TSPAN9: variants seen among roughly 807,000 people sequenced by gnomAD.
The protein encoded by TSPAN9 is tetraspanin 9, also known as tetraspanin-9.
A neutral mutation model predicts 31.0 loss-of-function variants in TSPAN9; 16 were observed. The ratio of observed to expected loss-of-function variants is 0.52; its 90% CI spans 0.35 to 0.78. The LOEUF (loss-of-function observed/expected upper bound fraction) is 0.78, where lower values mean the gene tolerates loss of function less well. Ranked by LOEUF, TSPAN9 falls within the 30% of genes least tolerant of loss-of-function variation. The pLI is 0.01. For missense variants in TSPAN9, 272 were observed against 312.5 expected (o/e 0.87, Z 0.98); for synonymous variants, 145 against 121.6 (o/e 1.19, Z -1.27).
intron 2 of TSPAN9, among the ~76,000 whole-genome samples, chr12:3,184,983 G>T (rs1168409901): frequency 6.6e-6 from 1 of 152,104 alleles, no homozygotes. Context: ...AACTCCGCTG[G>T]TTCCTTGGTT....
At chr12:3,086,945 A>G (rs1431498314) in intron 2 of TSPAN9, among the ~76,000 whole-genome samples, 1 of 152,216 alleles carries the variant, frequency 6.6e-6, no homozygotes, top group Non-Finnish European at 1.5e-5. Context: ...CTGGAAACAC[A>G]CACAGTCTGG....
intron 1 of TSPAN9, among the ~76,000 whole-genome samples, chr12:3,083,215 CAT>C (rs1333959669): frequency 6.6e-6 from 1 of 152,246 alleles, no homozygotes; most frequent in Non-Finnish European, 1.5e-5. Context: ...ATATTGACCT[CAT>C]AGCGTACGCG....
At chr12:3,133,062 T>G (rs1336656248) in intron 2 of TSPAN9, among the ~76,000 whole-genome samples, 4 of 152,218 alleles carry the variant, frequency 2.6e-5, no homozygotes, top group African/African-American at 9.6e-5. Flanking sequence ...TGGGTGGGTT[T>G]ACGGTTTCAG....
At chr12:3,169,175 C>T (rs1423762256) in intron 2 of TSPAN9, among the ~76,000 whole-genome samples, 1 of 152,202 alleles carries the variant, frequency 6.6e-6, no homozygotes, top group East Asian at 1.9e-4. Context: ...GCACAGCCCA[C>T]CTTCAATGCT....
At chr12:3,176,038 A>AT (rs1342174231) in intron 2 of TSPAN9, among the ~76,000 whole-genome samples, 2 of 152,238 alleles carry the variant, frequency 1.3e-5, no homozygotes, top group African/African-American at 4.8e-5. Context: ...CGGGAATGAG[A>AT]TTCGTCCCAG....
intron 7 of TSPAN9, 55 bp downstream of exon 7, chr12:3,281,384 C>A: frequency 6.6e-7 from 1 of 1,512,846 alleles, no homozygotes. Context: ...GATGCCCCGG[C>A]ACGGGGAGCC....
chr12:3,205,701 C>T (rs1025437199), intron 3 of TSPAN9, among the ~76,000 whole-genome samples: 1 of 125,308 alleles, frequency 8.0e-6, no homozygotes, highest in Non-Finnish European at 1.7e-5. Context: ...GTAACCTGGG[C>T]AGCAAGAGGC....
intron 3 of TSPAN9, among the ~76,000 whole-genome samples, chr12:3,233,662 A>G (rs889667662): frequency 6.6e-6 from 1 of 152,122 alleles, no homozygotes; most frequent in African/African-American, 2.4e-5. Flanking sequence ...TTGTGTGTTC[A>G]TTGTTACCAG....
intron 2 of TSPAN9, among the ~76,000 whole-genome samples, chr12:3,159,984 A>G (rs541167925): frequency 2.0e-5 from 3 of 152,324 alleles, no homozygotes; most frequent in Admixed American, 2.0e-4. Context: ...TCAATGGTTT[A>G]ATCTGTTCAA....
At chr12:3,161,460 G>A (rs931598091) in intron 2 of TSPAN9, among the ~76,000 whole-genome samples, 1 of 152,110 alleles carries the variant, frequency 6.6e-6, no homozygotes, top group African/African-American at 2.4e-5. Flanking sequence ...TCTCCTGTGG[G>A]TATGCAGGTG....
chr12:3,200,623 C>T (rs1391015864), intron 2 of TSPAN9: 1 of 152,390 alleles, frequency 6.6e-6, no homozygotes, highest in Admixed American at 6.5e-5. Flanking sequence ...AAATTGCAGC[C>T]TCCCCAAAGA....
chr12:3,085,498 C>G (rs983955907), intron 2 of TSPAN9, among the ~76,000 whole-genome samples: 8 of 152,084 alleles, frequency 5.3e-5, no homozygotes, highest in African/African-American at 1.9e-4. Context: ...TTGATCCTCT[C>G]TGATGGCTGT....
At chr12:3,133,694 C>T (rs548250299) in intron 2 of TSPAN9, among the ~76,000 whole-genome samples, 2 of 152,304 alleles carry the variant, frequency 1.3e-5, no homozygotes, top group South Asian at 2.1e-4. Flanking sequence ...CCCCAGGTGG[C>T]TCTGCTCAAC....
At chr12:3,137,161 T>A (rs1243777317) in intron 2 of TSPAN9, among the ~76,000 whole-genome samples, 3 of 152,238 alleles carry the variant, frequency 2.0e-5, no homozygotes, top group Non-Finnish European at 4.4e-5. Context: ...GGGCTCCTTG[T>A]CGTCTCCTCT....
intron 2 of TSPAN9, among the ~76,000 whole-genome samples, chr12:3,196,209 C>G (rs1031867026): frequency 2.0e-5 from 3 of 152,208 alleles, no homozygotes; most frequent in African/African-American, 7.2e-5. Flanking sequence ...CACCTTCCCC[C>G]TAAGATAGGA....
intron 3 of TSPAN9, among the ~76,000 whole-genome samples, chr12:3,259,822 C>G (rs1234560241): frequency 6.6e-6 from 1 of 152,230 alleles, no homozygotes; most frequent in East Asian, 1.9e-4. Flanking sequence ...GCAAAAACCA[C>G]TGGAGAAATT....
chr12:3,171,410 C>T (rs775525992), intron 2 of TSPAN9, among the ~76,000 whole-genome samples: 9 of 152,280 alleles, frequency 5.9e-5, no homozygotes, highest in South Asian at 2.1e-4. Flanking sequence ...ACTCTCTTCT[C>T]ATGTTTTCCA....
At chr12:3,157,339 G>C (rs1296975665) in intron 2 of TSPAN9, among the ~76,000 whole-genome samples, 2 of 152,118 alleles carry the variant, frequency 1.3e-5, no homozygotes, top group Non-Finnish European at 2.9e-5. Context: ...CTGACCGCAT[G>C]ATCCCCCCAC....
chr12:3,165,760 G>C (rs76405513), intron 2 of TSPAN9, among the ~76,000 whole-genome samples: 3,731 of 152,256 alleles, frequency 0.025, 158 homozygotes, highest in African/African-American at 0.085. Context: ...ACTGAGCAGA[G>C]GTTTAATTTA....
Sources: allele counts gnomAD v4.1 joint callset (sites outside exome capture counted in the v4.1 genomes callset), GRCh38; gene constraint gnomAD v4.1.1; transcripts MANE v1.5; gene names NCBI Gene and HGNC (gene_info 2026-07-23, HGNC 2026-07-21).